Variants in DSCAM observed in about 807,000 individuals in gnomAD.
DSCAM encodes the protein DS cell adhesion molecule, also known as cell adhesion molecule DSCAM.
A neutral mutation model predicts 217.7 loss-of-function variants in DSCAM; 47 were observed. The ratio of observed to expected loss-of-function variants is 0.22; its 90% confidence interval spans 0.17 to 0.28. The LOEUF (loss-of-function observed/expected upper bound fraction) is 0.28, where lower values mean the gene tolerates loss of function less well. DSCAM is among the 10% of genes least tolerant of loss of function. The probability of loss-of-function intolerance (pLI) is 1.00; values close to 1 mark genes in which losing one functional copy is unlikely to be tolerated. For missense variants in DSCAM, 2,080 were observed against 2,618.3 expected (o/e 0.79, Z 4.49); for synonymous variants, 1,056 against 1,015.3 (o/e 1.04, Z -0.76).
At chr21:40,134,211 A>G (rs1322778903) in intron 18 of DSCAM, among the ~76,000 whole-genome samples, 1 of 152,118 alleles carries the variant, frequency 6.6e-6, no homozygotes, top group African/African-American at 2.4e-5. Context: ...GAACATTCAC[A>G]CCAAACTGCT....
At chr21:40,300,712 G>A (rs2074005877) in intron 9 of DSCAM, among the ~76,000 whole-genome samples, 2 of 152,256 alleles carry the variant, frequency 1.3e-5, no homozygotes, top group Non-Finnish European at 2.9e-5. Context: ...TATGAGGCCT[G>A]CTCTGTGCCT....
intron 3 of DSCAM, among the ~76,000 whole-genome samples, chr21:40,482,865 A>T (rs1215980416): frequency 2.0e-5 from 3 of 152,208 alleles, no homozygotes; most frequent in African/African-American, 4.8e-5. Flanking sequence ...TCTTGCTTCT[A>T]TCAGATGTGT....
At chr21:40,735,426 C>T (rs1302954205) in intron 1 of DSCAM, among the ~76,000 whole-genome samples, 1 of 152,162 alleles carries the variant, frequency 6.6e-6, no homozygotes, top group Non-Finnish European at 1.5e-5. Flanking sequence ...TGAGTGTGTG[C>T]ATGTTTTAGA....
intron 8 of DSCAM, among the ~76,000 whole-genome samples, chr21:40,322,898 C>T (rs2074275631): frequency 6.6e-6 from 1 of 152,186 alleles, no homozygotes. Flanking sequence ...CATTTGACAT[C>T]TACGTAAGTG....
intron 1 of DSCAM, among the ~76,000 whole-genome samples, chr21:40,841,611 T>C (rs1420766125): frequency 2.0e-5 from 3 of 152,022 alleles, no homozygotes; most frequent in African/African-American, 7.2e-5. Context: ...CCTGCGGAGA[T>C]TGATGGACTG....
chr21:40,346,689 C>T (rs1047023871), intron 6 of DSCAM, among the ~76,000 whole-genome samples: 12 of 152,092 alleles, frequency 7.9e-5, no homozygotes, highest in African/African-American at 2.2e-4. Flanking sequence ...AAAAGCAAAT[C>T]GTATCACATA....
chr21:40,355,775 T>A (rs191204378), intron 4 of DSCAM, among the ~76,000 whole-genome samples: 9 of 152,350 alleles, frequency 5.9e-5, no homozygotes, highest in Admixed American at 1.3e-4. Context: ...GGATATTCAC[T>A]GTCCTATCAA....
chr21:40,259,823 G>T (rs771338137), intron 11 of DSCAM, among the ~76,000 whole-genome samples: 1 of 151,560 alleles, frequency 6.6e-6, no homozygotes, highest in Non-Finnish European at 1.5e-5. Context: ...ACAGGTGCCC[G>T]CCACCACACC....
rs188550855 is a variant in DSCAM at position 40,265,736 on chromosome 21, G to A, written c.2356+10361C>T. Among the ~76,000 whole-genome samples, 291 of 152,102 alleles carry A rather than the reference G, an allele frequency of 1.9e-3. 1 individual carries two copies. The highest frequency in any genetic ancestry group is 6.6e-3 in the African/African-American group (276 of 41,510). ...TTGACAAAGCATATAAAAACATAAT[G>A]GATTAGACACACAATTTAAGGAGAA... On this transcript the variant is annotated intron_variant, in intron 11 of 32. Transcript: ENST00000400454.
intron 1 of DSCAM, among the ~76,000 whole-genome samples, chr21:40,841,881 A>G (rs2092104655): frequency 1.3e-5 from 2 of 152,226 alleles, no homozygotes; most frequent in African/African-American, 4.8e-5. Context: ...TGCTGTGAAT[A>G]CGGTCCTCCG....
intron 2 of DSCAM, among the ~76,000 whole-genome samples, chr21:40,698,952 T>C (rs2090625255): frequency 1.3e-5 from 2 of 151,998 alleles, no homozygotes; most frequent in Non-Finnish European, 2.9e-5. Flanking sequence ...TGGATGGCTG[T>C]ATGTGCGTTT....
intron 20 of DSCAM, among the ~76,000 whole-genome samples, chr21:40,120,756 T>C (rs1601351455): frequency 2.0e-5 from 3 of 152,220 alleles, no homozygotes; most frequent in African/African-American, 4.8e-5. Flanking sequence ...TGTTTGTAGA[T>C]TCATTCTCAG....
chr21:40,379,432 T>C (rs1327393887), intron 3 of DSCAM, among the ~76,000 whole-genome samples: 1 of 152,212 alleles, frequency 6.6e-6, no homozygotes, highest in Non-Finnish European at 1.5e-5. Context: ...GCTTTTATTA[T>C]GCTTGCTTTT....
At chr21:40,171,094 T>C (rs572156456) in intron 15 of DSCAM, among the ~76,000 whole-genome samples, 2 of 152,338 alleles carry the variant, frequency 1.3e-5, no homozygotes, top group South Asian at 4.1e-4. Flanking sequence ...TTTATTTTTC[T>C]TGAGACAGGG....
chr21:40,793,797 A>G (rs2091667885), intron 1 of DSCAM, among the ~76,000 whole-genome samples: 1 of 151,998 alleles, frequency 6.6e-6, no homozygotes, highest in Non-Finnish European at 1.5e-5. Flanking sequence ...GGACTGTTCT[A>G]CCATTTTTTA....
chr21:40,700,939 G>T (rs1407830529), intron 2 of DSCAM, among the ~76,000 whole-genome samples: 3 of 152,050 alleles, frequency 2.0e-5, no homozygotes. Context: ...TTTTCACCAT[G>T]TTGGCCGGGC....
intron 3 of DSCAM, among the ~76,000 whole-genome samples, chr21:40,483,923 C>T (rs1325619673): frequency 6.6e-6 from 1 of 152,174 alleles, no homozygotes; most frequent in African/African-American, 2.4e-5. Flanking sequence ...TCACTTCTTT[C>T]CTTACCAAGG....
intron 3 of DSCAM, among the ~76,000 whole-genome samples, chr21:40,648,497 A>G (rs2089976387): frequency 6.6e-6 from 1 of 152,128 alleles, no homozygotes; most frequent in Non-Finnish European, 1.5e-5. Context: ...AGCCGAAGAC[A>G]GTTTAAAGCC....
intron 3 of DSCAM, among the ~76,000 whole-genome samples, chr21:40,567,658 T>A (rs988546610): frequency 7.2e-5 from 11 of 152,348 alleles, no homozygotes; most frequent in Admixed American, 6.5e-4. Flanking sequence ...TACAATGGAC[T>A]TACTCATCAG....
Sources: gnomAD v4.1 joint callset for allele counts (sites outside exome capture counted in the v4.1 genomes callset) on GRCh38, gnomAD v4.1.1 for gene constraint, MANE v1.5 for transcripts, NCBI Gene and HGNC (gene_info 2026-07-23, HGNC 2026-07-21) for gene names.